Variants in CABIN1 observed in about 807,000 individuals in gnomAD.
CABIN1 encodes the protein calcineurin-binding protein cabin-1.
CABIN1 carries 133 observed loss-of-function variants against 227.7 expected under a neutral mutation model. The observed-to-expected ratio is 0.58, with a 90% CI of 0.51 to 0.67. CABIN1 has a LOEUF of 0.67. Among genes scored for constraint, CABIN1 ranks in the 30% least tolerant of loss-of-function variants. The pLI is 0.00. For missense variants in CABIN1, 2,408 were observed against 2,852.5 expected (o/e 0.84, Z 3.55); for synonymous variants, 1,086 against 1,155.1 (o/e 0.94, Z 1.21).
intron 10 of CABIN1, 61 bp from the exon 11 acceptor site, chr22:24,059,166 G>A: frequency 6.2e-7 from 1 of 1,607,620 alleles, no homozygotes; most frequent in Non-Finnish European, 8.5e-7. Context: ...AACAGGAAGA[G>A]TTCAGATGCT....
At chr22:24,120,882 A>C (rs1439023113) in intron 28 of CABIN1, among the ~76,000 whole-genome samples, 1 of 152,232 alleles carries the variant, frequency 6.6e-6, no homozygotes, top group Non-Finnish European at 1.5e-5. Flanking sequence ...GAACAATACC[A>C]CAGAGAAAAT....
At chr22:24,137,637 C>G (rs1404799541) in intron 29 of CABIN1, among the ~76,000 whole-genome samples, 1 of 152,224 alleles carries the variant, frequency 6.6e-6, no homozygotes, top group Non-Finnish European at 1.5e-5. Context: ...GGCCTCTGTC[C>G]TCCTCTGCTT....
chr22:24,131,675 C>G (rs536699993), intron 28 of CABIN1, among the ~76,000 whole-genome samples: 34 of 152,320 alleles, frequency 2.2e-4, no homozygotes, highest in African/African-American at 7.7e-4. Context: ...GTATCACCTT[C>G]TCCCAGAGCC....
intron 25 of CABIN1, 41 bp from the exon 26 acceptor site, chr22:24,097,973 G>A: frequency 1.2e-6 from 2 of 1,613,524 alleles, no homozygotes; most frequent in Non-Finnish European, 1.7e-6. Context: ...TCAATGTGAG[G>A]TGGAGACTCT....
intron 8 of CABIN1, among the ~76,000 whole-genome samples, chr22:24,053,793 T>C (rs1250224500): frequency 6.6e-6 from 1 of 152,088 alleles, no homozygotes; most frequent in Non-Finnish European, 1.5e-5. Context: ...TTGCTACAAG[T>C]GATACCAGGG....
chr22:24,151,237 CAAAG>C (rs1234858929), intron 29 of CABIN1, among the ~76,000 whole-genome samples: 3 of 152,170 alleles, frequency 2.0e-5, no homozygotes, highest in Admixed American at 2.0e-4. Flanking sequence ...GTCTATCTGA[CAAAG>C]ATCCTGTGCA....
chr22:24,035,426 G>A lies in CABIN1; in HGVS notation c.-74-18G>A. ...CTCTTCATAGGCCTTGTCTCAGTTT[G>A]TCCTATTTCCTTTCTAGGAGAGTTG... On this transcript the variant is annotated intron_variant, in intron 1 of 36. Coordinates refer to ENST00000263119, the MANE Select transcript of CABIN1 (RefSeq NM_012295.4). The A allele has an allele frequency of 6.4e-7, 1 of 1,551,628 alleles. No individual in the cohort carries two copies. Among genetic ancestry groups the A allele is most frequent in the Non-Finnish European group, 8.9e-7 (1 of 1,123,192 alleles).
At chr22:24,173,776 A>G (rs556888501) in intron 34 of CABIN1, among the ~76,000 whole-genome samples, 184 of 152,202 alleles carry the variant, frequency 1.2e-3, no homozygotes, top group African/African-American at 3.4e-3. Flanking sequence ...AGAGGTTGCA[A>G]TGAGCTGACA....
At chr22:24,127,213 A>G (rs746585885) in intron 28 of CABIN1, among the ~76,000 whole-genome samples, 1 of 152,136 alleles carries the variant, frequency 6.6e-6, no homozygotes, top group Non-Finnish European at 1.5e-5. Context: ...CAACTTACAC[A>G]GGCCCAGGCA....
chr22:24,122,757 A>G lies in CABIN1; in HGVS notation c.4632+3059A>G, dbSNP rs369301861. Among the ~76,000 whole-genome samples, 12 of 151,928 alleles carry G rather than the reference A, an allele frequency of 7.9e-5. No homozygotes were observed. In the East Asian group the frequency reaches 1.5e-3, roughly 20 times the overall value. On this transcript the variant is annotated intron_variant, in intron 28 of 36. Transcript: ENST00000263119. ...AAATGCTCCAATGAGCATTTCGTTT[A>G]AGCACCAAAGTTTCAGATTTTGGAA...
intron 15 of CABIN1, among the ~76,000 whole-genome samples, chr22:24,065,154 C>A (rs1353815783): frequency 2.0e-5 from 3 of 150,166 alleles, no homozygotes; most frequent in Middle Eastern, 3.7e-3. Flanking sequence ...GCTGACCCCC[C>A]ACCTCCCTCC....
rs1377949523 is a variant in CABIN1 at position 24,113,432 on chromosome 22, ATGG to A, written c.4118-133_4118-131del. ...GATGGGTTGGGCCCAGCAGTGTCGA[ATGG>A]CTGTGTTCAGGCCATCTCCTGCAAA... On this transcript the variant is annotated intron_variant, in intron 26 of 36. Coordinates refer to ENST00000263119, the MANE Select transcript of CABIN1 (RefSeq NM_012295.4). 5 of 844,126 alleles carry A rather than the reference ATGG, an allele frequency of 5.9e-6. No individual in the cohort carries two copies. In the African/African-American group the frequency reaches 8.3e-5, roughly 14 times the overall value. 52.3% of individuals were successfully genotyped at this position (844,126 alleles called of 1,614,324 possible).
intron 6 of CABIN1, among the ~76,000 whole-genome samples, chr22:24,048,688 G>A (rs1174032333): frequency 6.6e-6 from 1 of 152,186 alleles, no homozygotes; most frequent in Non-Finnish European, 1.5e-5. Flanking sequence ...CTAGAGTGTT[G>A]GGATTATAGG....
chr22:24,063,825 C>T (rs927464779), intron 14 of CABIN1, among the ~76,000 whole-genome samples: 2 of 152,186 alleles, frequency 1.3e-5, no homozygotes, highest in East Asian at 1.9e-4. Context: ...TATCTCCCCT[C>T]GCAGAGTTGA....
chr22:24,068,300 C>T (rs1197827413), intron 16 of CABIN1, among the ~76,000 whole-genome samples: 1 of 152,134 alleles, frequency 6.6e-6, no homozygotes, highest in Non-Finnish European at 1.5e-5. Flanking sequence ...TGACCTGTTA[C>T]CTGGCAGGCT....
At chr22:24,164,085 T>G (rs2046310131) in intron 29 of CABIN1, among the ~76,000 whole-genome samples, 1 of 152,216 alleles carries the variant, frequency 6.6e-6, no homozygotes, top group South Asian at 2.1e-4. Flanking sequence ...TCTCACTGTC[T>G]GTCCTCACGT....
At chr22:24,146,202 A>G (rs2045104973) in intron 29 of CABIN1, among the ~76,000 whole-genome samples, 1 of 152,232 alleles carries the variant, frequency 6.6e-6, no homozygotes, top group Non-Finnish European at 1.5e-5. Context: ...CACTAGCACT[A>G]TTTTTAGCAT....
Position 24,071,295 on chromosome 22 carries a change from C to G in CABIN1, c.2475+253C>G. 9.2e-6 allele frequency: 5 copies of G among 541,608 alleles called. No homozygotes were observed. In the South Asian group the frequency reaches 9.9e-5, roughly 11 times the overall value. The allele number at this position is 541,608 out of a possible 1,614,324, so 33.6% of individuals were successfully genotyped here. A position where few individuals can be genotyped will look rare whatever the true frequency, so the allele number is the denominator to read the frequency against. On this transcript the variant is annotated intron_variant, in intron 17 of 36. Coordinates refer to ENST00000263119, the MANE Select transcript of CABIN1 (RefSeq NM_012295.4). ...CATGGGGTTCTTCCAGACCATCCGTCCCAGAGGGGAAGAAATAACCTCACG... is the reference window on the plus strand; with the variant it reads ...CATGGGGTTCTTCCAGACCATCCGTGCCAGAGGGGAAGAAATAACCTCACG...
intron 29 of CABIN1, among the ~76,000 whole-genome samples, chr22:24,144,703 A>C (rs2148383487): frequency 6.6e-6 from 1 of 152,102 alleles, no homozygotes; most frequent in Non-Finnish European, 1.5e-5. Context: ...CCTCCTGCCC[A>C]CCTCTCCCTC....
Sources: gnomAD v4.1 joint callset for allele counts (sites outside exome capture counted in the v4.1 genomes callset) on GRCh38, gnomAD v4.1.1 for gene constraint, MANE v1.5 for transcripts, NCBI Gene and HGNC (gene_info 2026-07-23, HGNC 2026-07-21) for gene names.